Variants in MMP21 observed in about 807,000 individuals in gnomAD.
MMP21 encodes the protein matrix metallopeptidase 21.
In MMP21, 40 loss-of-function variants were observed where a neutral mutation model predicts 47.8. The observed-to-expected ratio is 0.84, with a 90% CI of 0.65 to 1.09. The LOEUF (loss-of-function observed/expected upper bound fraction) is 1.09. Among genes scored for constraint, MMP21 ranks in the 50% least tolerant of loss-of-function variants. The probability of loss-of-function intolerance (pLI) is 0.00; values close to 1 mark genes in which losing one functional copy is unlikely to be tolerated. For missense variants in MMP21, 747 were observed against 775.3 expected (o/e 0.96, Z 0.43); for synonymous variants, 341 against 318.0 (o/e 1.07, Z -0.77).
rs1410465137 is a variant in MMP21, at chr10:125,773,913, C to A, written c.615G>T (p.Trp205Cys). 4.4e-6 allele frequency: 7 copies of A among 1,584,902 alleles called. No homozygotes were observed. In the African/African-American group the frequency reaches 9.6e-5, roughly 22 times the overall value. Residue 205 changes from tryptophan (W) to cysteine (C), a missense_variant, in exon 2 of 7, where the codon TGG becomes TGT. Transcript: ENST00000368808. This position sits in a 1 kb window ranked among gnomAD's most constrained non-coding sequence, Gnocchi z 4.8. The part of the protein sequence containing the change: ...RRIVALAFRM[W>C]SEVTPLDFRE... ...GGAAGTCCAGCGGCGTCACCTCGCTCCACATCCTGAAGGCCAGCGCCACAA... is the reference window on the plus strand; with the variant it reads ...GGAAGTCCAGCGGCGTCACCTCGCTACACATCCTGAAGGCCAGCGCCACAA...
Position 125,774,335 on chromosome 10 carries a change from C to A in MMP21, c.193G>T (p.Val65Leu). The part of the protein sequence containing the change: ...RFLSRYGWSG[V>L]WAAWGPSPEG... Reference sequence around the variant, plus strand: ...GGACTGGGCCCCCAGGCCGCCCACACCCCTGACCAGCCGTATCTGGACAGG... The same window carrying A: ...GGACTGGGCCCCCAGGCCGCCCACAACCCTGACCAGCCGTATCTGGACAGG... Residue 65 changes from valine to leucine, a missense_variant, in exon 2 of 7, where the codon GTG becomes TTG. Transcript: ENST00000368808. 7.1e-7 allele frequency: 1 copy of A among 1,408,476 alleles called. No homozygotes were observed. The highest frequency in any genetic ancestry group is 9.2e-7 in the Non-Finnish European group (1 of 1,089,104). The allele number at this position is 1,408,476 out of a possible 1,614,324, so 87.2% of individuals were successfully genotyped here.
Position 125,772,098 on chromosome 10 carries a change from G to T in MMP21, c.979+120C>A. 1 of 1,217,080 alleles carries T rather than the reference G, an allele frequency of 8.2e-7. No homozygotes were observed. The highest frequency in any genetic ancestry group is 1.2e-6 in the Non-Finnish European group (1 of 856,784). 75.4% of individuals were successfully genotyped at this position (1,217,080 alleles called of 1,614,324 possible). On this transcript the variant is annotated intron_variant, in intron 4 of 6. Transcript: ENST00000368808. The surrounding 1 kb of genome is among the most constrained non-coding windows in gnomAD (Gnocchi z 5.6). ...GAGGGTGGCTACCCTTGGGTGACAT[G>T]AGTTGTACAACGTTGCGCTCTTAGG...
chr10:125,766,865 A>G lies in MMP21; in HGVS notation c.1507T>C (p.Phe503Leu). Reference sequence around the variant, plus strand: ...TAATAAGCGGAATCTATATTTCTGAAAGGATGATTTTGTGGTATTACTGCT... The same window carrying G: ...TAATAAGCGGAATCTATATTTCTGAGAGGATGATTTTGTGGTATTACTGCT... ...FPAVIPQNHP[F>L]RNIDSAYYSY... is the part of the protein sequence containing the mutation. The change falls in exon 7 of 7, where the codon TTC (phenylalanine) becomes CTC (leucine). Residue 503 changes from phenylalanine (F) to leucine (L), a missense_variant. Coordinates refer to ENST00000368808, the MANE Select transcript of MMP21 (RefSeq NM_147191.1). 1 of 1,613,716 alleles carries G rather than the reference A, an allele frequency of 6.2e-7. No individual in the cohort carries two copies. The highest frequency in any genetic ancestry group is 8.5e-7 in the Non-Finnish European group (1 of 1,179,868).
At position 125,773,724 on chromosome 10, in the gene MMP21, C is replaced by G. The variant is rs759250481; in HGVS notation, c.697+107G>C. ...CGCTGACAGGTGCCCCCGGGACAGG[C>G]CGGGAGGGCTTAGCCCCCCATTCTG... On this transcript the variant is annotated intron_variant, in intron 2 of 6. Transcript: ENST00000368808. This position sits in a 1 kb window ranked among gnomAD's most constrained non-coding sequence, Gnocchi z 4.8. 2 of 1,371,850 alleles carry G rather than the reference C, an allele frequency of 1.5e-6. No homozygotes were observed. Among genetic ancestry groups the G allele is most frequent in the Non-Finnish European group, 1.9e-6 (2 of 1,057,518 alleles). The allele number at this position is 1,371,850 out of a possible 1,614,324, so 85.0% of individuals were successfully genotyped here.
At chr10:125,769,727 T>C (rs1850425504) in intron 5 of MMP21, among the ~76,000 whole-genome samples, 2 of 152,194 alleles carry the variant, frequency 1.3e-5, no homozygotes, top group South Asian at 4.1e-4. Flanking sequence ...ATGTCCAAGG[T>C]ATTTTTTTTT....
At position 125,772,693 on chromosome 10, in the gene MMP21, G is replaced by T. The variant is rs1334369146; in HGVS notation, c.755C>A (p.Ala252Asp). Residue 252 changes from alanine to aspartate, a missense_variant, in exon 3 of 7, where the codon GCC (alanine) becomes GAC (aspartate). Transcript: ENST00000368808. This position sits in a 1 kb window ranked among gnomAD's most constrained non-coding sequence, Gnocchi z 5.6. ...FDGSGQEFAH[A>D]WRLGDIHFDD... Reference sequence around the variant, plus strand: ...AAAGTGAATGTCACCTAGGCGCCAGGCGTGTGCAAACTCCTGCCCGCTCCC... The same window carrying T: ...AAAGTGAATGTCACCTAGGCGCCAGTCGTGTGCAAACTCCTGCCCGCTCCC... 1 of 1,614,220 alleles carries T rather than the reference G, an allele frequency of 6.2e-7. No homozygotes were observed. Among genetic ancestry groups the T allele is most frequent in the South Asian group, 1.1e-5 (1 of 91,084 alleles).
rs1175903298 is a variant in MMP21, at chr10:125,773,354, G to A, written c.697+477C>T. ...AGGCCAAGACCGGATTCCTGGGGACGCCAGCACCCAATTTCAGGTGGCAGT... is the reference window on the plus strand; with the variant it reads ...AGGCCAAGACCGGATTCCTGGGGACACCAGCACCCAATTTCAGGTGGCAGT... On this transcript the variant is annotated intron_variant, in intron 2 of 6. Coordinates refer to ENST00000368808, the MANE Select transcript of MMP21 (RefSeq NM_147191.1). The surrounding 1 kb of genome is among the most constrained non-coding windows in gnomAD (Gnocchi z 4.8). Among the ~76,000 whole-genome samples the A allele has an allele frequency of 6.6e-6, 1 of 151,990 alleles. No homozygotes were observed. Among genetic ancestry groups the A allele is most frequent in the African/African-American group, 2.4e-5 (1 of 41,390 alleles).
rs1424635204 is a variant in MMP21 at position 125,772,029 on chromosome 10, G to T, written c.979+189C>A. ...ACACAGGAGGGACTGGCTGTCGACT[G>T]GGCAAAACCACTTTTTAACTGAGAG... On this transcript the variant is annotated intron_variant, in intron 4 of 6. Transcript: ENST00000368808. This position sits in a 1 kb window ranked among gnomAD's most constrained non-coding sequence, Gnocchi z 5.6. 6.6e-6 allele frequency among the ~76,000 whole-genome samples: 1 copy of T among 152,142 alleles called. No individual in the cohort carries two copies. The highest frequency in any genetic ancestry group is 2.4e-5 in the African/African-American group (1 of 41,420).
rs12416662 is a variant in MMP21, at chr10:125,769,973, C to T, written c.1237+361G>A. Among the ~76,000 whole-genome samples the T allele has an allele frequency of 5.3e-4, 80 of 152,114 alleles. 1 individual carries two copies. The East Asian group carries it at 0.015, about 28-fold the overall frequency. Reference sequence around the variant, plus strand: ...GACTAGCCTGGGCAACATAGTGAGACCCCATCTCTAAAAAAAAAAAATTGT... The same window carrying T: ...GACTAGCCTGGGCAACATAGTGAGATCCCATCTCTAAAAAAAAAAAATTGT... On this transcript the variant is annotated intron_variant, in intron 5 of 6. Transcript: ENST00000368808.
intron 5 of MMP21, among the ~76,000 whole-genome samples, chr10:125,770,103 G>A (rs763476086): frequency 1.2e-4 from 19 of 152,164 alleles, no homozygotes; most frequent in Admixed American, 5.2e-4. Flanking sequence ...GTAGTGAGCC[G>A]TGATTGTGCA....
At chr10:125,774,474 A>C in intron 1 of MMP21, 109 bp from the exon 2 acceptor site, 7 of 632,546 alleles carry the variant, frequency 1.1e-5, no homozygotes, top group Non-Finnish European at 1.6e-5. Context: ...AGACAGAGAC[A>C]GAGAGAAGCA....
In MMP21 at chr10:125,770,606, CAAAA is replaced by C. The variant is rs751578472; in HGVS notation, c.980-19_980-16del. 2.5e-6 allele frequency: 4 copies of C among 1,609,360 alleles called. No homozygotes were observed. Among genetic ancestry groups the C allele is most frequent in the Non-Finnish European group, 3.4e-6 (4 of 1,177,828 alleles). ...CTCACAGGAGCCTTAAAAAAACAAA[CAAAA>C]AACAGCCACTTGTCACATACATGGT... On this transcript the variant is annotated splice_polypyrimidine_tract_variant and intron_variant, in intron 4 of 6. Coordinates refer to ENST00000368808, the MANE Select transcript of MMP21 (RefSeq NM_147191.1).
chr10:125,772,507 C>T lies in MMP21; in HGVS notation c.837+104G>A. On this transcript the variant is annotated intron_variant, in intron 3 of 6. Coordinates refer to ENST00000368808, the MANE Select transcript of MMP21 (RefSeq NM_147191.1). The surrounding 1 kb of genome is among the most constrained non-coding windows in gnomAD (Gnocchi z 5.6). ...GGGGAGCCATTCCACGGATTCACCT[C>T]CTCAGAGGTTGCGGACACTACATGA... 6.3e-7 allele frequency: 1 copy of T among 1,583,476 alleles called. No individual in the cohort carries two copies.
rs915573893 is a variant in MMP21, at chr10:125,772,821, G to T, written c.698-71C>A. ...CCCCATACAGACTCCTCACCTAGGG[G>T]GTCCCCAGCCTCCAGGAGCCGGCAG... On this transcript the variant is annotated intron_variant, in intron 2 of 6. Transcript: ENST00000368808. This position sits in a 1 kb window ranked among gnomAD's most constrained non-coding sequence, Gnocchi z 5.6. 29 of 1,562,748 alleles carry T rather than the reference G, an allele frequency of 1.9e-5. No homozygotes were observed. In the African/African-American group the frequency reaches 3.8e-4, roughly 20 times the overall value.
chr10:125,772,416 A>G lies in MMP21; in HGVS notation c.838-57T>C, dbSNP rs1413819961. ...TGAAGCCTGGGCGATGGATCCCTGC[A>G]TAACAGACGCAGGCCTGTGCTTCGA... On this transcript the variant is annotated intron_variant, in intron 3 of 6. Coordinates refer to ENST00000368808, the MANE Select transcript of MMP21 (RefSeq NM_147191.1). This position sits in a 1 kb window ranked among gnomAD's most constrained non-coding sequence, Gnocchi z 5.6. 1.0e-5 allele frequency: 16 copies of G among 1,606,734 alleles called. No homozygotes were observed. Among genetic ancestry groups the G allele is most frequent in the Admixed American group, 1.7e-5 (1 of 59,764 alleles).
In MMP21 at chr10:125,772,515, G is replaced by T; in HGVS notation, c.837+96C>A. 1 of 1,588,976 alleles carries T rather than the reference G, an allele frequency of 6.3e-7. No individual in the cohort carries two copies. Among genetic ancestry groups the T allele is most frequent in the Non-Finnish European group, 8.6e-7 (1 of 1,160,022 alleles). On this transcript the variant is annotated intron_variant, in intron 3 of 6. Coordinates refer to ENST00000368808, the MANE Select transcript of MMP21 (RefSeq NM_147191.1). This position sits in a 1 kb window ranked among gnomAD's most constrained non-coding sequence, Gnocchi z 5.6. Reference sequence around the variant, plus strand: ...ATTCCACGGATTCACCTCCTCAGAGGTTGCGGACACTACATGAGAAAAGCT... The same window carrying T: ...ATTCCACGGATTCACCTCCTCAGAGTTTGCGGACACTACATGAGAAAAGCT...
intron 4 of MMP21, among the ~76,000 whole-genome samples, chr10:125,771,646 G>T (rs1286926537): frequency 2.0e-5 from 3 of 152,094 alleles, no homozygotes; most frequent in Non-Finnish European, 4.4e-5. Flanking sequence ...TCAAGAATCC[G>T]CCCACCTTGG....
rs2133784189 is a variant in MMP21, at chr10:125,773,738, C to T, written c.697+93G>A. 3.5e-6 allele frequency: 5 copies of T among 1,413,198 alleles called. No homozygotes were observed. The highest frequency in any genetic ancestry group is 5.8e-5 in the Admixed American group (2 of 34,664). The allele number at this position is 1,413,198 out of a possible 1,614,324, so 87.5% of individuals were successfully genotyped here. A position where few individuals can be genotyped will look rare whatever the true frequency, so the allele number is the denominator to read the frequency against. Reference sequence around the variant, plus strand: ...CCCGGGACAGGCCGGGAGGGCTTAGCCCCCCATTCTGCAGGTGGCCGAGGT... The same window carrying T: ...CCCGGGACAGGCCGGGAGGGCTTAGTCCCCCATTCTGCAGGTGGCCGAGGT... On this transcript the variant is annotated intron_variant, in intron 2 of 6. Coordinates refer to ENST00000368808, the MANE Select transcript of MMP21 (RefSeq NM_147191.1). This position sits in a 1 kb window ranked among gnomAD's most constrained non-coding sequence, Gnocchi z 4.8.
Position 125,775,342 on chromosome 10 carries a change from C to A in MMP21, c.162+318G>T, listed in dbSNP as rs375333050. ...ATGGTGAGCAGCCACAGAATGCCTTCGGACAGTGCCTTGGCCACTACAGTA... is the reference window on the plus strand; with the variant it reads ...ATGGTGAGCAGCCACAGAATGCCTTAGGACAGTGCCTTGGCCACTACAGTA... On this transcript the variant is annotated intron_variant, in intron 1 of 6. Transcript: ENST00000368808. 5.0e-4 allele frequency among the ~76,000 whole-genome samples: 76 copies of A among 152,348 alleles called. 1 individual carries two copies. In the South Asian group the frequency reaches 7.5e-3, roughly 15 times the overall value.
Sources: allele counts gnomAD v4.1 joint callset (sites outside exome capture counted in the v4.1 genomes callset), GRCh38; gene constraint gnomAD v4.1.1; non-coding constraint Gnocchi (gnomAD v3.1); transcripts MANE v1.5; gene names NCBI Gene and HGNC (gene_info 2026-07-23, HGNC 2026-07-21).